The following NTRK2 variants were observed in gnomAD, a reference collection of about 807,000 sequenced individuals.
NTRK2 encodes the protein neurotrophic receptor tyrosine kinase 2, also known as BDNF/NT-3 growth factors receptor.
NTRK2 carries 13 observed loss-of-function variants against 94.5 expected under a neutral mutation model. That is an observed-to-expected ratio of 0.14 (90% CI 0.09 to 0.22). NTRK2 has a LOEUF of 0.22. Ranked by LOEUF, NTRK2 falls within the 10% of genes least tolerant of loss-of-function variation. The probability of loss-of-function intolerance (pLI) is 1.00; values close to 1 mark genes in which losing one functional copy is unlikely to be tolerated. For synonymous variants in NTRK2, 372 were observed against 407.4 expected, an observed-to-expected ratio of 0.91 and a Z score of 1.05; for missense variants, 639 against 1,071.2, an observed-to-expected ratio of 0.60 and a Z score of 5.63.
rs1393459096 is a variant in NTRK2 at position 85,025,984 on chromosome 9, A to G, written c.*4547A>G. Reference sequence around the variant, plus strand: ...TTTCTTGTTGTCAGGGCTGGAATGAATCACTGCTGCTCAAGTCAAAGGTTC... The same window carrying G: ...TTTCTTGTTGTCAGGGCTGGAATGAGTCACTGCTGCTCAAGTCAAAGGTTC... On this transcript the variant is annotated 3_prime_UTR_variant, in exon 19 of 19. Coordinates refer to ENST00000277120, the MANE Select transcript of NTRK2 (RefSeq NM_006180.6). The G allele has an allele frequency of 2.1e-5, 5 of 232,564 alleles. No individual in the cohort carries two copies. Among genetic ancestry groups the G allele is most frequent in the Non-Finnish European group, 4.2e-5 (5 of 117,740 alleles). The allele number at this position is 232,564 out of a possible 1,614,324, so 14.4% of individuals were successfully genotyped here.
intron 13 of NTRK2, 44 bp downstream of exon 13, chr9:84,861,131 A>C (rs775731485): frequency 2.8e-6 from 4 of 1,438,110 alleles, no homozygotes; most frequent in Non-Finnish European, 3.9e-6. Context: ...TAATGAGTCT[A>C]TGTTTTTATT....
intron 2 of NTRK2, among the ~76,000 whole-genome samples, chr9:84,694,658 A>G (rs1472442220): frequency 6.6e-6 from 1 of 152,098 alleles, no homozygotes; most frequent in Non-Finnish European, 1.5e-5. Flanking sequence ...TTTTTTTTAG[A>G]AAAGGATTAT....
chr9:84,928,354 C>T (rs930870370), intron 14 of NTRK2, among the ~76,000 whole-genome samples: 8 of 152,124 alleles, frequency 5.3e-5, no homozygotes, highest in Admixed American at 2.0e-4. Flanking sequence ...TTAACATTTA[C>T]ATTCTGCTTT....
intron 12 of NTRK2, among the ~76,000 whole-genome samples, chr9:84,832,871 C>A (rs1426675627): frequency 2.0e-5 from 3 of 151,994 alleles, no homozygotes; most frequent in African/African-American, 7.3e-5. Context: ...TGGCTTGAAT[C>A]CTTGGTTTTC....
At chr9:84,795,673 A>C (rs1291771491) in intron 12 of NTRK2, among the ~76,000 whole-genome samples, 1 of 152,174 alleles carries the variant, frequency 6.6e-6, no homozygotes, top group Non-Finnish European at 1.5e-5. Context: ...GGGCCCCCAC[A>C]GTGCCTCATC....
chr9:84,682,536 A>G (rs918507212), intron 2 of NTRK2, among the ~76,000 whole-genome samples: 5 of 152,086 alleles, frequency 3.3e-5, no homozygotes, highest in Admixed American at 3.3e-4. Flanking sequence ...TAGGGATAGG[A>G]TCCTATCTAA....
At chr9:84,697,194 G>A (rs778396529) in intron 2 of NTRK2, among the ~76,000 whole-genome samples, 67 of 152,196 alleles carry the variant, frequency 4.4e-4, no homozygotes, top group Non-Finnish European at 1.0e-4. Flanking sequence ...TGCAAGCAAC[G>A]TCTGCAGGCT....
chr9:84,782,646 A>G (rs1428444121), intron 12 of NTRK2, among the ~76,000 whole-genome samples: 2 of 152,314 alleles, frequency 1.3e-5, no homozygotes, highest in South Asian at 2.1e-4. Flanking sequence ...GCTCATGTCC[A>G]TTAAGCCGTG....
intron 12 of NTRK2, among the ~76,000 whole-genome samples, chr9:84,757,561 C>T (rs749150015): frequency 1.7e-4 from 26 of 152,306 alleles, no homozygotes; most frequent in Non-Finnish European, 3.5e-4. Context: ...AGCTATGTGA[C>T]TTTGAGCAAA....
chr9:84,885,976 A>G (rs1444202266), intron 14 of NTRK2, among the ~76,000 whole-genome samples: 1 of 152,112 alleles, frequency 6.6e-6, no homozygotes, highest in Non-Finnish European at 1.5e-5. Flanking sequence ...GGTTGCAGTG[A>G]GCTGAGATTG....
At chr9:84,847,075 C>T (rs1289395773) in intron 12 of NTRK2, among the ~76,000 whole-genome samples, 1 of 152,182 alleles carries the variant, frequency 6.6e-6, no homozygotes, top group East Asian at 1.9e-4. Flanking sequence ...TCTATTCATT[C>T]CCATGGAAAT....
chr9:84,852,586 C>G (rs912963643), intron 12 of NTRK2, among the ~76,000 whole-genome samples: 1 of 152,136 alleles, frequency 6.6e-6, no homozygotes, highest in African/African-American at 2.4e-5. Flanking sequence ...CATTTTTCAC[C>G]TACCCAGTGA....
At chr9:84,838,467 A>G (rs1001131419) in intron 12 of NTRK2, among the ~76,000 whole-genome samples, 2 of 92,550 alleles carry the variant, frequency 2.2e-5, no homozygotes, top group African/African-American at 3.9e-5. Flanking sequence ...TGTATATTGT[A>G]TATGCATTAT....
chr9:85,019,753 C>T (rs762518894), intron 17 of NTRK2, among the ~76,000 whole-genome samples: 10 of 152,178 alleles, frequency 6.6e-5, no homozygotes, highest in Non-Finnish European at 1.3e-4. Flanking sequence ...CAGCATCATG[C>T]ACACATAAGA....
chr9:85,021,191 A>T (rs2117991251), intron 18 of NTRK2, 61 bp from the exon 19 acceptor site: 1 of 1,479,366 alleles, frequency 6.8e-7, no homozygotes. Context: ...TTTTGCACTG[A>T]CATTTCTTCG....
intron 15 of NTRK2, among the ~76,000 whole-genome samples, chr9:84,947,537 C>T (rs2078640994): frequency 6.6e-6 from 1 of 152,208 alleles, no homozygotes; most frequent in Admixed American, 6.5e-5. Context: ...GTCATCGGGG[C>T]AGCTGCAGAC....
intron 12 of NTRK2, among the ~76,000 whole-genome samples, chr9:84,859,420 AT>A (rs1343927864): frequency 6.6e-6 from 1 of 152,232 alleles, no homozygotes; most frequent in East Asian, 1.9e-4. Context: ...AACCTTCACA[AT>A]ATTCATTCCT....
chr9:84,829,197 C>T (rs1412767577), intron 12 of NTRK2, among the ~76,000 whole-genome samples: 1 of 152,026 alleles, frequency 6.6e-6, no homozygotes, highest in Non-Finnish European at 1.5e-5. Flanking sequence ...TGGGGTTTCG[C>T]CATATTGTCC....
intron 12 of NTRK2, among the ~76,000 whole-genome samples, chr9:84,757,984 G>A (rs1259011064): frequency 6.6e-6 from 1 of 151,896 alleles, no homozygotes; most frequent in Non-Finnish European, 1.5e-5. Context: ...TTCTTACTCT[G>A]ATCTATACTG....
Sources: gnomAD v4.1 joint callset for allele counts (sites outside exome capture counted in the v4.1 genomes callset) on GRCh38, gnomAD v4.1.1 for gene constraint, MANE v1.5 for transcripts, NCBI Gene and HGNC (gene_info 2026-07-23, HGNC 2026-07-21) for gene names.